Variants in TNRC6B observed in about 807,000 individuals in gnomAD.
TNRC6B encodes the protein trinucleotide repeat-containing gene 6B protein.
In TNRC6B, 52 loss-of-function variants were observed where a neutral mutation model predicts 203.6. The ratio of observed to expected loss-of-function variants is 0.26; its 90% CI spans 0.20 to 0.32. TNRC6B has a LOEUF of 0.32. Ranked by LOEUF, TNRC6B falls within the 10% of genes least tolerant of loss-of-function variation. The pLI is 1.00. For missense variants in TNRC6B, 1,923 were observed against 2,286.2 expected, an observed-to-expected ratio of 0.84 and a Z score of 3.24; for synonymous variants, 838 against 845.7, an observed-to-expected ratio of 0.99 and a Z score of 0.16.
intron 1 of TNRC6B, among the ~76,000 whole-genome samples, chr22:40,222,625 C>A (rs186542598): frequency 2.7e-5 from 4 of 147,964 alleles, no homozygotes; most frequent in African/African-American, 1.0e-4. Flanking sequence ...TATTTAAATT[C>A]GAGATAATTA....
chr22:40,279,687 T>C (rs903448693), intron 9 of TNRC6B, among the ~76,000 whole-genome samples: 4 of 152,246 alleles, frequency 2.6e-5, no homozygotes, highest in African/African-American at 4.8e-5. Flanking sequence ...CTAAATGTTT[T>C]CTTAGCGAGA....
chr22:40,163,889 G>T (rs1475846567), intron 4 of TNRC6B, among the ~76,000 whole-genome samples: 1 of 151,984 alleles, frequency 6.6e-6, no homozygotes, highest in Admixed American at 6.6e-5. Flanking sequence ...AGGCAGAAAA[G>T]ATCAGGTTAA....
At chr22:40,045,962 A>G (rs1413804340) in intron 1 of TNRC6B, among the ~76,000 whole-genome samples, 4 of 152,228 alleles carry the variant, frequency 2.6e-5, no homozygotes, top group Non-Finnish European at 5.9e-5. Context: ...GAGGATGGTG[A>G]ATTTCAAGTT....
intron 1 of TNRC6B, among the ~76,000 whole-genome samples, chr22:40,244,739 A>G (rs1220249811): frequency 1.3e-5 from 2 of 152,178 alleles, no homozygotes; most frequent in Non-Finnish European, 1.5e-5. Flanking sequence ...AGGCCCTGGG[A>G]ACTAGATCTT....
intron 1 of TNRC6B, among the ~76,000 whole-genome samples, chr22:40,208,599 G>A (rs1569021514): frequency 6.6e-6 from 1 of 152,336 alleles, no homozygotes; most frequent in East Asian, 1.9e-4. Context: ...GGAGTGCTAA[G>A]TTAAGGGGAA....
intron 15 of TNRC6B, among the ~76,000 whole-genome samples, chr22:40,306,707 C>T (rs375784619): frequency 1.3e-5 from 2 of 152,020 alleles, no homozygotes; most frequent in Non-Finnish European, 1.5e-5. Context: ...TAAATAAGGC[C>T]AGGCACGGTG....
At chr22:40,081,483 C>T (rs1023295810) in intron 1 of TNRC6B, among the ~76,000 whole-genome samples, 13 of 152,184 alleles carry the variant, frequency 8.5e-5, no homozygotes, top group African/African-American at 2.6e-4. Flanking sequence ...TCTGCTGAAA[C>T]GTTTTTCATA....
At chr22:40,279,343 G>A (rs2070694226) in intron 9 of TNRC6B, among the ~76,000 whole-genome samples, 1 of 152,192 alleles carries the variant, frequency 6.6e-6, no homozygotes, top group African/African-American at 2.4e-5. Flanking sequence ...TTCTAAATAT[G>A]AGAATAATTA....
At position 40,167,059 on chromosome 22, in the gene TNRC6B, C is replaced by T. The variant is rs954558494; in HGVS notation, c.113+10877C>T. 4.6e-5 allele frequency among the ~76,000 whole-genome samples: 7 copies of T among 152,162 alleles called. No homozygotes were observed. In the East Asian group the frequency reaches 1.2e-3, roughly 25 times the overall value. On this transcript the variant is annotated intron_variant, in intron 4 of 23. Transcript: ENST00000301923. ...TGTATATCATAACATAATTTGGCCC[C>T]GCATATTTCAGTCATGATAGAGTGC...
chr22:40,224,220 G>A (rs2069753087), intron 1 of TNRC6B, among the ~76,000 whole-genome samples: 1 of 152,110 alleles, frequency 6.6e-6, no homozygotes, highest in Non-Finnish European at 1.5e-5. Context: ...GGCCAGGCTG[G>A]TCTCGAACTC....
chr22:40,302,341 A>G (rs1418581566), intron 15 of TNRC6B, among the ~76,000 whole-genome samples: 52 of 152,148 alleles, frequency 3.4e-4, no homozygotes, highest in Admixed American at 3.4e-3. Context: ...CGCACACTCA[A>G]AAAACGAGTT....
In TNRC6B at chr22:40,330,417, C is replaced by A. The variant is rs975388937; in HGVS notation, c.*7176C>A. 2 of 152,142 alleles carry A rather than the reference C, an allele frequency of 1.3e-5. No homozygotes were observed. The highest frequency in any genetic ancestry group is 1.3e-4 in the Admixed American group (2 of 15,272). 9.4% of individuals were successfully genotyped at this position (152,142 alleles called of 1,614,324 possible). A position where few individuals can be genotyped will look rare whatever the true frequency, so the allele number is the denominator to read the frequency against. The stretch of plus-strand genomic sequence containing the variant: ...GTTGACTGGAGGCAAAGTGGAGTGG[C>A]CTTATTGCCAGGACTAGCCCTACAG... On this transcript the variant is annotated 3_prime_UTR_variant, in exon 23 of 23. Coordinates refer to ENST00000454349, the MANE Select transcript of TNRC6B (RefSeq NM_001162501.2).
At chr22:40,154,348 C>G (rs1446770448) in intron 3 of TNRC6B, among the ~76,000 whole-genome samples, 1 of 150,510 alleles carries the variant, frequency 6.6e-6, no homozygotes, top group East Asian at 2.0e-4. Flanking sequence ...CCTGTAATCC[C>G]AGCTACTCGG....
intron 1 of TNRC6B, among the ~76,000 whole-genome samples, chr22:40,239,075 C>T (rs372041704): frequency 2.6e-4 from 40 of 152,248 alleles, no homozygotes; most frequent in African/African-American, 9.1e-4. Context: ...TGGTGGCAGG[C>T]GCCTGTAATC....
chr22:40,107,791 C>G (rs926272135), intron 1 of TNRC6B, among the ~76,000 whole-genome samples: 9 of 151,836 alleles, frequency 5.9e-5, no homozygotes, highest in Non-Finnish European at 1.3e-4. Flanking sequence ...AGTGGCTACC[C>G]CCCTTTCTCT....
At chr22:40,116,191 G>C (rs1362642766) in intron 1 of TNRC6B, among the ~76,000 whole-genome samples, 1 of 152,192 alleles carries the variant, frequency 6.6e-6, no homozygotes, top group Non-Finnish European at 1.5e-5. Flanking sequence ...TGGGTTGACT[G>C]TGAAACTAAG....
At chr22:40,153,691 C>T (rs1329297437) in intron 3 of TNRC6B, among the ~76,000 whole-genome samples, 4 of 151,764 alleles carry the variant, frequency 2.6e-5, no homozygotes, top group African/African-American at 9.7e-5. Context: ...GCACTGTTAG[C>T]ACTGAATATT....
At chr22:40,284,158 T>C (rs920055431) in intron 11 of TNRC6B, among the ~76,000 whole-genome samples, 1 of 152,232 alleles carries the variant, frequency 6.6e-6, no homozygotes, top group Non-Finnish European at 1.5e-5. Flanking sequence ...TCTTCTCATG[T>C]TTCAACAACC....
intron 1 of TNRC6B, among the ~76,000 whole-genome samples, chr22:40,219,330 G>A (rs1569025629): frequency 6.6e-6 from 1 of 152,172 alleles, no homozygotes; most frequent in Non-Finnish European, 1.5e-5. Flanking sequence ...GAGTAGGAAG[G>A]TATATGAAGG....
Sources: gnomAD v4.1 joint callset for allele counts (sites outside exome capture counted in the v4.1 genomes callset) on GRCh38, gnomAD v4.1.1 for gene constraint, MANE v1.5 for transcripts, NCBI Gene and HGNC (gene_info 2026-07-23, HGNC 2026-07-21) for gene names.